CAST: variants seen among roughly 807,000 people sequenced by gnomAD.
CAST encodes the protein MIR583 host.
Under a neutral mutation model 119.6 loss-of-function variants are expected in CAST, and 76 were observed. The observed-to-expected ratio is 0.64, with a 90% confidence interval of 0.53 to 0.77. The LOEUF is 0.77. Ranked by LOEUF, CAST falls within the 30% of genes least tolerant of loss-of-function variation. CAST has a pLI of 0.00. For synonymous variants in CAST, 319 were observed against 331.6 expected (o/e 0.96, Z 0.41); for missense variants, 953 against 946.5 (o/e 1.01, Z -0.09).
At chr5:96,277,214 T>C in the CAST span, among the ~76,000 whole-genome samples, 1 of 151,996 alleles carries the variant, frequency 6.6e-6, no homozygotes. Context: ...TCTAGAAGTA[T>C]AATTAATGTG....
At chr5:96,149,791 A>G in the CAST span, among the ~76,000 whole-genome samples, 1 of 152,226 alleles carries the variant, frequency 6.6e-6, no homozygotes, top group African/African-American at 2.4e-5. Context: ...TTGTGTAAGC[A>G]TTCGCTGTCT....
chr5:96,277,294 C>A, the CAST span, among the ~76,000 whole-genome samples: 7 of 152,144 alleles, frequency 4.6e-5, no homozygotes, highest in South Asian at 8.3e-4. Flanking sequence ...CTAATTTGTT[C>A]TTCCACAAGC....
the CAST span, among the ~76,000 whole-genome samples, chr5:96,233,177 C>T: frequency 6.6e-6 from 1 of 151,940 alleles, no homozygotes; most frequent in African/African-American, 2.4e-5. Flanking sequence ...TATGTAGATA[C>T]AATATCAAAT....
At chr5:96,259,307 C>T in the CAST span, among the ~76,000 whole-genome samples, 1 of 152,176 alleles carries the variant, frequency 6.6e-6, no homozygotes, top group African/African-American at 2.4e-5. Flanking sequence ...GACAGCAAAG[C>T]ACTGACTCAC....
chr5:96,106,870 A>G, the CAST span, among the ~76,000 whole-genome samples: 1 of 134,098 alleles, frequency 7.5e-6, no homozygotes, highest in Non-Finnish European at 1.6e-5. Context: ...GTCTCTTTGT[A>G]GGTCACTCAG....
the CAST span, among the ~76,000 whole-genome samples, chr5:96,043,148 A>G: frequency 6.6e-6 from 1 of 152,228 alleles, no homozygotes; most frequent in Non-Finnish European, 1.5e-5. Context: ...ACAAGATTAA[A>G]AACACTAACT....
chr5:96,462,846 A>G, the CAST span, among the ~76,000 whole-genome samples: 5 of 152,030 alleles, frequency 3.3e-5, no homozygotes, highest in African/African-American at 9.7e-5. Flanking sequence ...TGATGGTTTT[A>G]TAAGTGTTCG....
the CAST span, among the ~76,000 whole-genome samples, chr5:96,182,789 T>C: frequency 0.032 from 4,825 of 152,320 alleles, 262 homozygotes; most frequent in African/African-American, 0.11. Context: ...TTTTTATTTT[T>C]TACTTTTTGC....
the CAST span, among the ~76,000 whole-genome samples, chr5:96,450,829 A>G: frequency 2.0e-5 from 3 of 152,122 alleles, no homozygotes; most frequent in Admixed American, 6.5e-5. Flanking sequence ...GCACAGGTCT[A>G]TTTTCATCCT....
chr5:96,259,214 G>T, the CAST span, among the ~76,000 whole-genome samples: 3 of 152,138 alleles, frequency 2.0e-5, no homozygotes, highest in Admixed American at 6.6e-5. Context: ...TTATGAGATT[G>T]GCTCTTTTAC....
At chr5:96,670,772 A>G (rs570116817) in intron 1 of CAST, among the ~76,000 whole-genome samples, 45 of 152,366 alleles carry the variant, frequency 3.0e-4, no homozygotes, top group Admixed American at 2.8e-3. Flanking sequence ...TTGGGATTAC[A>G]GGCGTGAGCC....
the CAST span, among the ~76,000 whole-genome samples, chr5:96,419,821 A>G: frequency 6.6e-6 from 1 of 152,136 alleles, no homozygotes; most frequent in Non-Finnish European, 1.5e-5. Context: ...ACTATTATAA[A>G]TGCTGTGCTG....
At chr5:96,126,319 A>G in the CAST span, among the ~76,000 whole-genome samples, 1 of 152,150 alleles carries the variant, frequency 6.6e-6, no homozygotes, top group Non-Finnish European at 1.5e-5. Flanking sequence ...TGTGAAATTT[A>G]TCTTTTATAA....
chr5:96,316,288 T>C, the CAST span, among the ~76,000 whole-genome samples: 776 of 152,312 alleles, frequency 5.1e-3, 4 homozygotes, highest in Non-Finnish European at 8.8e-3. Flanking sequence ...TTACCTAGAA[T>C]GCAATATATA....
chr5:96,114,157 A>G, the CAST span, among the ~76,000 whole-genome samples: 1 of 152,182 alleles, frequency 6.6e-6, no homozygotes, highest in Non-Finnish European at 1.5e-5. Flanking sequence ...TTTAAGGTGC[A>G]CTAAACCTGG....
chr5:96,370,022 C>T, the CAST span, among the ~76,000 whole-genome samples: 1 of 151,940 alleles, frequency 6.6e-6, no homozygotes, highest in African/African-American at 2.4e-5. Context: ...TGGTTTTGAA[C>T]TTCAAAATGG....
chr5:96,366,211 G>T, the CAST span, among the ~76,000 whole-genome samples: 1 of 152,190 alleles, frequency 6.6e-6, no homozygotes, highest in Non-Finnish European at 1.5e-5. Context: ...TTAGTCTGAT[G>T]GGCTTCCCTT....
At chr5:96,595,500 A>C (rs1274280082) in intron 1 of CAST, among the ~76,000 whole-genome samples, 2 of 152,190 alleles carry the variant, frequency 1.3e-5, no homozygotes, top group African/African-American at 4.8e-5. Context: ...CATGGAGGGA[A>C]GTGGGGTCAG....
At chr5:96,478,148 G>A in the CAST span, among the ~76,000 whole-genome samples, 435 of 152,234 alleles carry the variant, frequency 2.9e-3, 2 homozygotes, top group African/African-American at 0.01. Flanking sequence ...ATTACAATTT[G>A]TTTTGTCAAA....
Sources: allele counts gnomAD v4.1 joint callset (sites outside exome capture counted in the v4.1 genomes callset), GRCh38; gene constraint gnomAD v4.1.1; transcripts MANE v1.5; gene names NCBI Gene and HGNC (gene_info 2026-07-23, HGNC 2026-07-21).